HIBADH: variants seen among roughly 807,000 people sequenced by gnomAD.
The protein encoded by HIBADH is 3-hydroxyisobutyrate dehydrogenase, mitochondrial.
Under a neutral mutation model 36.1 loss-of-function variants are expected in HIBADH, and 25 were observed. That is an observed-to-expected ratio of 0.69 (90% CI 0.50 to 0.97). The LOEUF (loss-of-function observed/expected upper bound fraction) is 0.97, where lower values mean the gene tolerates loss of function less well. Among genes scored for constraint, HIBADH ranks in the 50% least tolerant of loss-of-function variants. The probability of loss-of-function intolerance (pLI) is 0.00; values close to 1 mark genes in which losing one functional copy is unlikely to be tolerated. For missense variants in HIBADH, 421 were observed against 418.0 expected (o/e 1.01, Z -0.06); for synonymous variants, 160 against 149.5 (o/e 1.07, Z -0.51).
At chr7:27,641,892 C>G (rs1444704053) in intron 2 of HIBADH, among the ~76,000 whole-genome samples, 1 of 152,162 alleles carries the variant, frequency 6.6e-6, no homozygotes, top group East Asian at 1.9e-4. Flanking sequence ...AATCAATACT[C>G]AGAGGACCTC....
chr7:27,645,947 T>C (rs1180321374), intron 2 of HIBADH, among the ~76,000 whole-genome samples: 1 of 152,222 alleles, frequency 6.6e-6, no homozygotes, highest in Admixed American at 6.5e-5. Flanking sequence ...CACAAGTTTT[T>C]AATTTTGATA....
intron 3 of HIBADH, among the ~76,000 whole-genome samples, chr7:27,631,917 C>CT (rs529219560): frequency 6.6e-6 from 1 of 152,180 alleles, no homozygotes; most frequent in African/African-American, 2.4e-5. Flanking sequence ...CAGGACATAA[C>CT]TTTTTTTCGT....
At chr7:27,613,366 C>T (rs1785366525) in intron 4 of HIBADH, among the ~76,000 whole-genome samples, 1 of 61,222 alleles carries the variant, frequency 1.6e-5, no homozygotes, top group African/African-American at 9.1e-5. Flanking sequence ...GAAAGAGCCT[C>T]GTTTAGATAG....
At chr7:27,611,625 C>G (rs1002810847) in intron 4 of HIBADH, among the ~76,000 whole-genome samples, 9 of 152,184 alleles carry the variant, frequency 5.9e-5, no homozygotes, top group Non-Finnish European at 8.8e-5. Context: ...AATAGGGCAT[C>G]ATACTTATGA....
At chr7:27,615,489 G>T (rs1053475576) in intron 4 of HIBADH, among the ~76,000 whole-genome samples, 1 of 152,102 alleles carries the variant, frequency 6.6e-6, no homozygotes, top group African/African-American at 2.4e-5. Flanking sequence ...ACATACTACC[G>T]CCATGCACTG....
At chr7:27,652,964 A>C (rs1466299509) in intron 1 of HIBADH, among the ~76,000 whole-genome samples, 1 of 152,044 alleles carries the variant, frequency 6.6e-6, no homozygotes, top group Non-Finnish European at 1.5e-5. Flanking sequence ...CCCAGTCTTT[A>C]CTAAAAATAC....
chr7:27,654,160 T>C (rs1265991095), intron 1 of HIBADH, among the ~76,000 whole-genome samples: 1 of 152,042 alleles, frequency 6.6e-6, no homozygotes, highest in Non-Finnish European at 1.5e-5. Context: ...ATTAATAACC[T>C]TGAAGATACA....
chr7:27,592,622 A>C (rs555551226), intron 4 of HIBADH, among the ~76,000 whole-genome samples: 17 of 152,272 alleles, frequency 1.1e-4, no homozygotes, highest in African/African-American at 2.6e-4. Flanking sequence ...AACAAACAAA[A>C]AAAAACATGC....
At chr7:27,647,165 C>A (rs59505903) in intron 2 of HIBADH, among the ~76,000 whole-genome samples, 1 of 151,986 alleles carries the variant, frequency 6.6e-6, no homozygotes, top group African/African-American at 2.4e-5. Context: ...AAAATAAGCA[C>A]GCGATATCAC....
chr7:27,564,631 T>C (rs6959126), intron 4 of HIBADH, among the ~76,000 whole-genome samples: 115,591 of 152,164 alleles, frequency 0.76, 44,338 homozygotes, highest in East Asian at 0.94. Context: ...ATTGCTTTGG[T>C]TATTTTAGTT....
rs762685685 is a variant in HIBADH at position 27,645,368 on chromosome 7, A to ATTT, written c.252+4102_252+4104dup. Among the ~76,000 whole-genome samples the ATTT allele has an allele frequency of 4.2e-3, 253 of 59,548 alleles. 44 individuals carry two copies. The highest frequency in any genetic ancestry group is 6.3e-3 in the Non-Finnish European group (199 of 31,736). The allele number at this position is 59,548 out of a possible 152,430, so 39.1% of individuals were successfully genotyped here. On this transcript the variant is annotated intron_variant, in intron 2 of 7. Transcript: ENST00000265395. ...CTAGTGGGTGTGTCTCATGGTTTTG[A>ATTT]TTTTTTTTTTTTTTTTTTTTTTTTT...
At chr7:27,526,712 G>T (rs982848654) in intron 7 of HIBADH, among the ~76,000 whole-genome samples, 6 of 152,068 alleles carry the variant, frequency 3.9e-5, no homozygotes, top group Admixed American at 3.9e-4. Context: ...ATTCTTAAAT[G>T]AAAACAAGGA....
intron 1 of HIBADH, among the ~76,000 whole-genome samples, chr7:27,654,197 GA>G (rs1387018794): frequency 2.6e-5 from 4 of 151,896 alleles, no homozygotes; most frequent in African/African-American, 4.8e-5. Flanking sequence ...AAAACACAAA[GA>G]AAAAAATAAT....
intron 4 of HIBADH, among the ~76,000 whole-genome samples, chr7:27,624,130 C>T (rs1194755678): frequency 6.6e-6 from 1 of 151,988 alleles, no homozygotes; most frequent in Admixed American, 6.6e-5. Flanking sequence ...ACCATATTGC[C>T]AACAGCAATC....
intron 4 of HIBADH, among the ~76,000 whole-genome samples, chr7:27,576,513 T>C (rs923439295): frequency 6.6e-6 from 1 of 152,176 alleles, no homozygotes; most frequent in Non-Finnish European, 1.5e-5. Context: ...TTCTGGTTCA[T>C]TAAAAGTTGA....
At chr7:27,544,060 T>C (rs1784197922) in intron 4 of HIBADH, among the ~76,000 whole-genome samples, 1 of 152,176 alleles carries the variant, frequency 6.6e-6, no homozygotes, top group Non-Finnish European at 1.5e-5. Flanking sequence ...CCCAGGCAAG[T>C]ATGTGGAAGA....
chr7:27,654,481 T>C (rs765120083), intron 1 of HIBADH, among the ~76,000 whole-genome samples: 1 of 151,964 alleles, frequency 6.6e-6, no homozygotes, highest in South Asian at 2.1e-4. Context: ...GGACACACTA[T>C]GTAGAAAGGG....
intron 4 of HIBADH, among the ~76,000 whole-genome samples, chr7:27,622,976 C>T (rs1278945185): frequency 6.6e-6 from 1 of 152,076 alleles, no homozygotes; most frequent in Non-Finnish European, 1.5e-5. Context: ...AAACTACAGG[C>T]CTATATACCT....
chr7:27,563,673 TG>T (rs1357495559), intron 4 of HIBADH, among the ~76,000 whole-genome samples: 1 of 152,224 alleles, frequency 6.6e-6, no homozygotes, highest in African/African-American at 2.4e-5. Context: ...CATCTTTTCA[TG>T]TGCTTATTTG....
Sources: allele counts gnomAD v4.1 joint callset (sites outside exome capture counted in the v4.1 genomes callset), GRCh38; gene constraint gnomAD v4.1.1; transcripts MANE v1.5; gene names NCBI Gene and HGNC (gene_info 2026-07-23, HGNC 2026-07-21).